Variants in RANBP2 observed in about 807,000 individuals in gnomAD.
RANBP2 encodes E3 SUMO-protein ligase RanBP2.
RANBP2 carries 57 observed loss-of-function variants against 303.6 expected under a neutral mutation model. The observed-to-expected ratio is 0.19, with a 90% CI of 0.15 to 0.23. The LOEUF is 0.23. Ranked by LOEUF, RANBP2 falls within the 10% of genes least tolerant of loss-of-function variation. The pLI is 1.00. For synonymous variants in RANBP2, 1,167 were observed against 1,301.5 expected, an observed-to-expected ratio of 0.90 and a Z score of 2.23; for missense variants, 3,138 against 3,780.8, an observed-to-expected ratio of 0.83 and a Z score of 4.46.
the RANBP2 span, among the ~76,000 whole-genome samples, chr2:109,689,709 C>T: frequency 2.0e-5 from 3 of 152,144 alleles, no homozygotes; most frequent in Non-Finnish European, 4.4e-5. Flanking sequence ...TTCCTTCCCC[C>T]CTCATCTCTG....
At chr2:109,106,516 C>T in the RANBP2 span, among the ~76,000 whole-genome samples, 1 of 152,238 alleles carries the variant, frequency 6.6e-6, no homozygotes, top group South Asian at 2.1e-4. Context: ...GTCAACACAA[C>T]CTGCAAAATT....
chr2:108,979,010 A>G, the RANBP2 span, among the ~76,000 whole-genome samples: 5 of 152,232 alleles, frequency 3.3e-5, no homozygotes, highest in East Asian at 9.6e-4. Context: ...AAGTACAGAC[A>G]TTCCATTTCC....
chr2:109,425,257 A>T, the RANBP2 span, among the ~76,000 whole-genome samples: 18 of 152,258 alleles, frequency 1.2e-4, no homozygotes, highest in Non-Finnish European at 2.6e-4. Context: ...TTAAAGAAAG[A>T]AGCCATCTCT....
At chr2:109,684,583 G>A in the RANBP2 span, among the ~76,000 whole-genome samples, 442 of 146,638 alleles carry the variant, frequency 3.0e-3, no homozygotes, top group African/African-American at 8.5e-3. Flanking sequence ...GTCCAGGATG[G>A]AGTGCAGTGG....
At chr2:109,130,964 A>G in the RANBP2 span, among the ~76,000 whole-genome samples, 1 of 151,928 alleles carries the variant, frequency 6.6e-6, no homozygotes, top group Non-Finnish European at 1.5e-5. Context: ...AAAAGAAAGG[A>G]CCCGGGTTTT....
chr2:109,083,184 G>A, the RANBP2 span, among the ~76,000 whole-genome samples: 1 of 152,062 alleles, frequency 6.6e-6, no homozygotes, highest in East Asian at 1.9e-4. Context: ...ACAGGTCAGT[G>A]GCATTAAGTA....
chr2:108,885,211 T>A, the RANBP2 span: 1 of 152,220 alleles, frequency 6.6e-6, no homozygotes, highest in African/African-American at 2.4e-5. Flanking sequence ...TGCAGAACTT[T>A]AAAACATTTG....
the RANBP2 span, among the ~76,000 whole-genome samples, chr2:109,196,594 G>A: frequency 6.6e-6 from 1 of 152,174 alleles, no homozygotes; most frequent in South Asian, 2.1e-4. Flanking sequence ...GGCTGGATGT[G>A]GAGTTGGCCT....
At chr2:108,872,828 C>T in the RANBP2 span, among the ~76,000 whole-genome samples, 8 of 152,146 alleles carry the variant, frequency 5.3e-5, no homozygotes, top group Non-Finnish European at 1.2e-4. Flanking sequence ...CTGCAGGCCC[C>T]CCACATCTCA....
At chr2:109,664,887 G>A in the RANBP2 span, among the ~76,000 whole-genome samples, 2 of 151,140 alleles carry the variant, frequency 1.3e-5, no homozygotes, top group African/African-American at 4.9e-5. Flanking sequence ...CCAAGATCAC[G>A]CTATTCCACT....
At chr2:109,106,290 T>C in the RANBP2 span, among the ~76,000 whole-genome samples, 73 of 152,296 alleles carry the variant, frequency 4.8e-4, 1 homozygote, top group African/African-American at 1.5e-3. Flanking sequence ...TGCAGACCCA[T>C]ATGGATTTGC....
chr2:109,055,448 G>A, the RANBP2 span, among the ~76,000 whole-genome samples: 4 of 146,096 alleles, frequency 2.7e-5, no homozygotes, highest in East Asian at 6.1e-4. Flanking sequence ...TGCAACTTCC[G>A]CCTCCAGAAT....
At chr2:109,253,792 T>C in the RANBP2 span, among the ~76,000 whole-genome samples, 1 of 152,192 alleles carries the variant, frequency 6.6e-6, no homozygotes, top group African/African-American at 2.4e-5. Flanking sequence ...GATTGCTATA[T>C]AGGTTGACAC....
the RANBP2 span, among the ~76,000 whole-genome samples, chr2:109,578,735 C>A: frequency 6.6e-6 from 1 of 151,456 alleles, no homozygotes; most frequent in Admixed American, 6.6e-5. Context: ...CCACTGCACT[C>A]TAGCCTGGCC....
At chr2:109,450,740 G>C in the RANBP2 span, among the ~76,000 whole-genome samples, 6 of 152,294 alleles carry the variant, frequency 3.9e-5, no homozygotes, top group East Asian at 1.2e-3. Flanking sequence ...CCCATGCACT[G>C]CCTGAGGCTG....
the RANBP2 span, among the ~76,000 whole-genome samples, chr2:109,766,734 A>G: frequency 6.7e-6 from 1 of 148,736 alleles, no homozygotes; most frequent in African/African-American, 2.5e-5. Context: ...CTCAATATGG[A>G]ATGCAAGATT....
the RANBP2 span, among the ~76,000 whole-genome samples, chr2:109,113,099 A>G: frequency 6.6e-6 from 1 of 152,076 alleles, no homozygotes; most frequent in African/African-American, 2.4e-5. Context: ...TTGGCTTAGG[A>G]TTGACTTGGC....
At chr2:109,054,291 C>T in the RANBP2 span, among the ~76,000 whole-genome samples, 3 of 152,162 alleles carry the variant, frequency 2.0e-5, no homozygotes, top group African/African-American at 7.2e-5. Flanking sequence ...AAAGAGGTGC[C>T]CATCCCTGCT....
the RANBP2 span, among the ~76,000 whole-genome samples, chr2:109,404,740 C>T: frequency 6.6e-6 from 1 of 152,162 alleles, no homozygotes; most frequent in Non-Finnish European, 1.5e-5. Flanking sequence ...CTACTGCTTC[C>T]TCTTTCCCAT....
Sources: allele counts gnomAD v4.1 joint callset (sites outside exome capture counted in the v4.1 genomes callset), GRCh38; gene constraint gnomAD v4.1.1; transcripts MANE v1.5; gene names NCBI Gene and HGNC (gene_info 2026-07-23, HGNC 2026-07-21).